The following ASMTL variants were observed in gnomAD, a reference collection of about 807,000 sequenced individuals.
The protein encoded by ASMTL is acetylserotonin O-methyltransferase like.
A neutral mutation model predicts 60.3 loss-of-function variants in ASMTL; 57 were observed. The observed-to-expected ratio is 0.95, with a 90% CI of 0.76 to 1.18. The LOEUF (loss-of-function observed/expected upper bound fraction) is 1.18. Ranked by LOEUF, ASMTL falls within the 50% of genes most tolerant of loss-of-function variation. The pLI, the probability that ASMTL is intolerant of heterozygous loss-of-function variation, is 0.00. For synonymous variants in ASMTL, 419 were observed against 373.0 expected (o/e 1.12, Z -1.42); for missense variants, 981 against 852.6 (o/e 1.15, Z -1.88).
intron 12 of ASMTL, among the ~76,000 whole-genome samples, chrX:1,405,631 T>C (rs1444501067): frequency 1.3e-5 from 2 of 151,358 alleles, no homozygotes; most frequent in Non-Finnish European, 2.9e-5. Flanking sequence ...GATGAATGGA[T>C]GGATAGATGG....
intron 5 of ASMTL, among the ~76,000 whole-genome samples, chrX:1,432,947 A>C (rs1261247091): frequency 1.3e-5 from 2 of 152,260 alleles, no homozygotes. Flanking sequence ...AAAATACAAA[A>C]ATTAGCCGGG....
intron 1 of ASMTL, among the ~76,000 whole-genome samples, chrX:1,451,693 T>TGA (rs1303365560): frequency 7.6e-6 from 1 of 132,280 alleles, no homozygotes; most frequent in Non-Finnish European, 1.6e-5. Context: ...CGGGTTACTC[T>TGA]CCTCTCCCCC....
At position 1,439,110 on chromosome X, in the gene ASMTL, GC is replaced by G; in HGVS notation, c.259del (p.Ala87ArgfsTer5). The G allele has an allele frequency of 6.2e-7, 1 of 1,614,010 alleles. No individual in the cohort carries two copies. The highest frequency in any genetic ancestry group is 8.5e-7 in the Non-Finnish European group (1 of 1,179,864). ...GGCCGCACTCACCACGATCGTGTCC[GC>G]TCCAATGACCACGTCGGGGGCCCGC... ...DLRAPDVVIGADTIVTVGGLI... is the reference protein window; with the variant it reads ...DLRAPDVVIGXDTIVTVGGLI... On this transcript the variant is annotated frameshift_variant, in exon 3 of 13. Coordinates refer to ENST00000381317, the MANE Select transcript of ASMTL (RefSeq NM_004192.4). LOFTEE classifies it high-confidence loss of function.
chrX:1,416,432 CACATAA>C (rs1341514422), intron 11 of ASMTL, among the ~76,000 whole-genome samples: 1 of 147,390 alleles, frequency 6.8e-6, no homozygotes, highest in African/African-American at 2.5e-5. Context: ...CAGGCACACG[CACATAA>C]ACATAGACAT....
chrX:1,420,955 C>T lies in ASMTL; in HGVS notation c.1245+703G>A, dbSNP rs1298855271. 6.9e-5 allele frequency among the ~76,000 whole-genome samples: 7 copies of T among 101,618 alleles called. No homozygotes were observed. In the South Asian group the frequency reaches 1.7e-3, roughly 25 times the overall value. 66.7% of individuals were successfully genotyped at this position (101,618 alleles called of 152,430 possible). On this transcript the variant is annotated intron_variant, in intron 9 of 12. Transcript: ENST00000381317. ...AGCTGCCTAATCATACCTGGCTAAT[C>T]GTTAATTTTTTTTTTTTTTTTTGAG...
chrX:1,435,669 G>A (rs1486268734), intron 4 of ASMTL, 25 bp downstream of exon 4: 2 of 1,612,342 alleles, frequency 1.2e-6, no homozygotes, highest in Non-Finnish European at 1.7e-6. Flanking sequence ...ACCCGAGAGG[G>A]CTCAGAGGCC....
At chrX:1,404,397 GTGGATGGA>G (rs373976343) in intron 12 of ASMTL, among the ~76,000 whole-genome samples, 8 of 150,036 alleles carry the variant, frequency 5.3e-5, no homozygotes, top group African/African-American at 7.4e-5. Context: ...GGGTAGGTAG[GTGGATGGA>G]TGGATGGATG....
chrX:1,439,025 C>G, intron 3 of ASMTL, 72 bp downstream of exon 3: 1 of 1,504,716 alleles, frequency 6.6e-7, no homozygotes, highest in Non-Finnish European at 9.3e-7. Flanking sequence ...ACAACATCCA[C>G]AAGAGGCAGA....
Position 1,434,960 on chromosome X carries a change from G to A in ASMTL, c.400+62C>T, listed in dbSNP as rs187146014. ...CCTCCTCCCTCAAGCCAAGGGTCCC[G>A]AGAATGTCCCGGGTCCTTGTCTCGG... is the stretch of plus-strand genomic sequence containing the variant. On this transcript the variant is annotated intron_variant, in intron 5 of 12. Transcript: ENST00000381317. 1,305 of 1,592,686 alleles carry A rather than the reference G, an allele frequency of 8.2e-4. 10 individuals are homozygous for A. In the East Asian group the frequency reaches 0.018, roughly 23 times the overall value.
intron 1 of ASMTL, among the ~76,000 whole-genome samples, chrX:1,449,283 C>T (rs1379269539): frequency 1.3e-5 from 2 of 152,016 alleles, no homozygotes; most frequent in African/African-American, 4.8e-5. Context: ...CTCCTCAGCG[C>T]TCCTCACCTC....
chrX:1,417,799 G>A (rs2090349732), intron 11 of ASMTL, 174 bp downstream of exon 11: 2 of 249,170 alleles, frequency 8.0e-6, no homozygotes, highest in Non-Finnish European at 1.0e-5. Flanking sequence ...CCACACACAT[G>A]CACACAGAGA....
intron 2 of ASMTL, among the ~76,000 whole-genome samples, chrX:1,440,755 G>A (rs1339251880): frequency 6.6e-6 from 1 of 152,148 alleles, no homozygotes; most frequent in Non-Finnish European, 1.5e-5. Context: ...CCAACATGGT[G>A]AAGCCCCATC....
At chrX:1,416,764 TGCAC>T (rs2090292355) in intron 11 of ASMTL, among the ~76,000 whole-genome samples, 1 of 88,266 alleles carries the variant, frequency 1.1e-5, no homozygotes. Flanking sequence ...CACAGACACA[TGCAC>T]ACACAGACGT....
At chrX:1,448,940 C>T (rs1438002125) in intron 1 of ASMTL, among the ~76,000 whole-genome samples, 9 of 152,100 alleles carry the variant, frequency 5.9e-5, no homozygotes, top group African/African-American at 2.2e-4. Flanking sequence ...TAAAACCAGC[C>T]CCAAAACATC....
intron 9 of ASMTL, 27 bp from the exon 10 acceptor site, chrX:1,419,141 A>G: frequency 1.2e-6 from 2 of 1,608,614 alleles, no homozygotes; most frequent in Non-Finnish European, 8.5e-7. Context: ...GCTTAGGGGC[A>G]CCAGAGAACA....
chrX:1,443,766 C>A (rs2091173568), intron 1 of ASMTL, among the ~76,000 whole-genome samples: 1 of 151,268 alleles, frequency 6.6e-6, no homozygotes, highest in African/African-American at 2.4e-5. Context: ...ACACACACTG[C>A]CATCTTGGCC....
intron 1 of ASMTL, among the ~76,000 whole-genome samples, chrX:1,450,275 C>G (rs2091328644): frequency 6.6e-6 from 1 of 151,894 alleles, no homozygotes; most frequent in Non-Finnish European, 1.5e-5. Flanking sequence ...GGCGTCCTAC[C>G]ACCCGGAATA....
In ASMTL at chrX:1,427,898, C is replaced by T. The variant is rs779686422; in HGVS notation, c.733G>A (p.Gly245Ser). The change falls in exon 7 of 13, where the codon GGC (glycine) becomes AGC (serine). Residue 245 changes from glycine to serine, a missense_variant. Gly to Ser is a moderately conservative substitution (Grantham distance 56). Coordinates refer to ENST00000381317, the MANE Select transcript of ASMTL (RefSeq NM_004192.4). The stretch of plus-strand genomic sequence containing the variant: ...GCGTCCCTCTGAGTGGGCTCCGAGC[C>T]GCCCCCCTCCACGTCACTGAGGTCT... ...FEDLSDVEGGGSEPTQRDAGS... is the reference protein window; with the variant it reads ...FEDLSDVEGGSSEPTQRDAGS... 8.7e-6 allele frequency: 14 copies of T among 1,613,124 alleles called. No individual in the cohort carries two copies. The highest frequency in any genetic ancestry group is 2.7e-5 in the African/African-American group (2 of 74,940).
intron 11 of ASMTL, 145 bp downstream of exon 11, chrX:1,417,828 C>T: frequency 9.8e-7 from 1 of 1,022,224 alleles, no homozygotes; most frequent in Admixed American, 2.9e-5. Context: ...CACACAAGCA[C>T]CGTAGACAGT....
Sources: gnomAD v4.1 joint callset for allele counts (sites outside exome capture counted in the v4.1 genomes callset) on GRCh38, gnomAD v4.1.1 for gene constraint, MANE v1.5 for transcripts, NCBI Gene and HGNC (gene_info 2026-07-23, HGNC 2026-07-21) for gene names.